BRK1: variants seen among roughly 807,000 people sequenced by gnomAD.
BRK1 encodes BRICK1 subunit of SCAR/WAVE actin nucleating complex.
In BRK1, 6 loss-of-function variants were observed where a neutral mutation model predicts 9.9. The observed-to-expected ratio is 0.60, with a 90% CI of 0.33 to 1.19. The LOEUF (loss-of-function observed/expected upper bound fraction) is 1.19, where lower values mean the gene tolerates loss of function less well. Among genes scored for constraint, BRK1 ranks in the 50% most tolerant of loss-of-function variants. The pLI is 0.04. For missense variants in BRK1, 62 were observed against 97.5 expected (o/e 0.64, Z 1.53); for synonymous variants, 44 against 31.9 (o/e 1.38, Z -1.28).
At chr3:10,117,127 G>A (rs567474273) in intron 1 of BRK1, among the ~76,000 whole-genome samples, 23 of 152,232 alleles carry the variant, frequency 1.5e-4, no homozygotes, top group African/African-American at 5.5e-4. Context: ...ATGCACACCT[G>A]TTGTCCCAGC....
intron 1 of BRK1, among the ~76,000 whole-genome samples, chr3:10,121,715 T>A (rs1695757808): frequency 6.6e-6 from 1 of 150,968 alleles, no homozygotes; most frequent in African/African-American, 2.5e-5. Flanking sequence ...TATTTTCCTA[T>A]TTCATTAAAT....
At chr3:10,119,073 C>A (rs1005722374) in intron 1 of BRK1, among the ~76,000 whole-genome samples, 1 of 149,872 alleles carries the variant, frequency 6.7e-6, no homozygotes, top group African/African-American at 2.5e-5. Context: ...GTGGTGCGAT[C>A]TCGGCTCACT....
intron 1 of BRK1, among the ~76,000 whole-genome samples, chr3:10,124,123 C>T (rs1175884690): frequency 6.6e-6 from 1 of 152,086 alleles, no homozygotes; most frequent in Admixed American, 6.6e-5. Context: ...AATGGCTGTA[C>T]AGCCTTGGTG....
chr3:10,121,489 G>C, intron 1 of BRK1, among the ~76,000 whole-genome samples: 1 of 152,042 alleles, frequency 6.6e-6, no homozygotes. Flanking sequence ...CCACTTGTAA[G>C]GTGAATAGAG....
At chr3:10,120,644 T>G (rs17032418) in intron 1 of BRK1, among the ~76,000 whole-genome samples, 46 of 152,336 alleles carry the variant, frequency 3.0e-4, no homozygotes, top group African/African-American at 1.1e-3. Flanking sequence ...TGGTTTCAGA[T>G]TTATCCAGCT....
chr3:10,118,776 C>G (rs1388246995), intron 1 of BRK1, among the ~76,000 whole-genome samples: 1 of 152,146 alleles, frequency 6.6e-6, no homozygotes, highest in Non-Finnish European at 1.5e-5. Flanking sequence ...GCATGAGCCA[C>G]TGTGCCTGGC....
chr3:10,121,877 G>T (rs1203509602), intron 1 of BRK1, among the ~76,000 whole-genome samples: 2 of 145,228 alleles, frequency 1.4e-5, no homozygotes, highest in Admixed American at 6.9e-5. Context: ...CTCTGCACCC[G>T]GCCACTTTTT....
Position 10,126,048 on chromosome 3 carries a change from A to G in BRK1, c.202-221A>G, listed in dbSNP as rs559866454. Among the ~76,000 whole-genome samples the G allele has an allele frequency of 4.6e-5, 7 of 152,226 alleles. No homozygotes were observed. In the East Asian group the frequency reaches 5.8e-4, roughly 13 times the overall value. ...GGAGGTTGCAGTGAGCCGAGATCAC[A>G]CCACTGCACTCCAGCCTGGGTGGCA... On this transcript the variant is annotated intron_variant, in intron 2 of 2. Coordinates refer to ENST00000530758, the MANE Select transcript of BRK1 (RefSeq NM_018462.5).
intron 1 of BRK1, among the ~76,000 whole-genome samples, chr3:10,120,697 C>A (rs1260161186): frequency 6.6e-6 from 1 of 152,144 alleles, no homozygotes; most frequent in East Asian, 1.9e-4. Flanking sequence ...CCAGCGTATA[C>A]TTATTAGGAT....
In BRK1 at chr3:10,126,317, GGAA is replaced by G; in HGVS notation, c.*24_*26del. On this transcript the variant is annotated 3_prime_UTR_variant, in exon 3 of 3. Coordinates refer to ENST00000530758, the MANE Select transcript of BRK1 (RefSeq NM_018462.5). ...CTAGAACAGTGCCGTGCTGCTGCTG[GGAA>G]GTTGCTTTACACAACACAGGCCACA... is the stretch of plus-strand genomic sequence containing the variant. The G allele has an allele frequency of 1.3e-6, 2 of 1,572,336 alleles. No homozygotes were observed. Among genetic ancestry groups the G allele is most frequent in the Non-Finnish European group, 1.7e-6 (2 of 1,158,650 alleles).
At chr3:10,125,814 G>A in intron 2 of BRK1, 106 bp downstream of exon 2, 3 of 798,732 alleles carry the variant, frequency 3.8e-6, no homozygotes, top group Non-Finnish European at 6.0e-6. Flanking sequence ...GCACTGGCCG[G>A]ACATGGTGGC....
intron 1 of BRK1, 23 bp downstream of exon 1, chr3:10,115,842 G>T: frequency 6.3e-7 from 1 of 1,593,278 alleles, no homozygotes; most frequent in Non-Finnish European, 8.6e-7. Context: ...GCAAGGGGAG[G>T]CGGGGAGGAG....
At chr3:10,115,904 A>G in intron 1 of BRK1, 85 bp downstream of exon 1, 3 of 1,052,922 alleles carry the variant, frequency 2.8e-6, no homozygotes, top group African/African-American at 1.6e-5. Flanking sequence ...CTTTGAGAGG[A>G]CTCCCGCAGC....
chr3:10,115,855 AG>A, intron 1 of BRK1, 36 bp downstream of exon 1: 3 of 1,545,286 alleles, frequency 1.9e-6, no homozygotes, highest in Non-Finnish European at 2.7e-6. Flanking sequence ...GGGAGGAGGG[AG>A]GCCGCTGAGG....
Position 10,126,397 on chromosome 3 carries a change from C to A in BRK1, c.*102C>A. 9.6e-7 allele frequency: 1 copy of A among 1,038,700 alleles called. No individual in the cohort carries two copies. The highest frequency in any genetic ancestry group is 1.4e-6 in the Non-Finnish European group (1 of 702,138). 64.3% of individuals were successfully genotyped at this position (1,038,700 alleles called of 1,614,324 possible). On this transcript the variant is annotated 3_prime_UTR_variant, in exon 3 of 3. Coordinates refer to ENST00000530758, the MANE Select transcript of BRK1 (RefSeq NM_018462.5). ...TCCTTCCTTTCTCCTTAAAGAGCAA[C>A]AGGGCTTATTCTTGTTTTTCTTTTT... is the stretch of plus-strand genomic sequence containing the variant.
intron 1 of BRK1, among the ~76,000 whole-genome samples, chr3:10,117,042 A>G (rs1695694931): frequency 6.6e-6 from 1 of 152,194 alleles, no homozygotes; most frequent in Non-Finnish European, 1.5e-5. Context: ...CAGGAGTTCA[A>G]GACCAGCCTG....
intron 1 of BRK1, among the ~76,000 whole-genome samples, chr3:10,123,438 C>CTTTTTTTTTT (rs869148224): frequency 1.5e-5 from 2 of 136,016 alleles, no homozygotes; most frequent in Admixed American, 7.4e-5. Context: ...ACTTTCTTTC[C>CTTTTTTTTTT]TTTTTTTTTT....
intron 1 of BRK1, among the ~76,000 whole-genome samples, chr3:10,124,961 C>T (rs115703467): frequency 1.3e-5 from 2 of 152,106 alleles, no homozygotes; most frequent in African/African-American, 4.8e-5. Flanking sequence ...CCTTTCTCAC[C>T]TACATTTGTG....
rs769891349 is a variant in BRK1, at chr3:10,115,700, C to T, written c.-2C>T. On this transcript the variant is annotated 5_prime_UTR_variant, in exon 1 of 3. Coordinates refer to ENST00000530758, the MANE Select transcript of BRK1 (RefSeq NM_018462.5). ...GCAGTCGCTCTTCCTCAGGCGGCGGCCATGGCGGGACAGGAGGATCCGGTG... is the reference window on the plus strand; with the variant it reads ...GCAGTCGCTCTTCCTCAGGCGGCGGTCATGGCGGGACAGGAGGATCCGGTG... 3 of 1,613,064 alleles carry T rather than the reference C, an allele frequency of 1.9e-6. No homozygotes were observed. Among genetic ancestry groups the T allele is most frequent in the Middle Eastern group, 1.7e-4 (1 of 6,054 alleles).
Sources: allele counts gnomAD v4.1 joint callset (sites outside exome capture counted in the v4.1 genomes callset), GRCh38; gene constraint gnomAD v4.1.1; transcripts MANE v1.5; gene names NCBI Gene and HGNC (gene_info 2026-07-23, HGNC 2026-07-21).